Variants in CBFB observed in about 807,000 individuals in gnomAD.
CBFB encodes core-binding factor subunit beta.
CBFB carries 9 observed loss-of-function variants against 30.4 expected under a neutral mutation model. The ratio of observed to expected loss-of-function variants is 0.30; its 90% CI spans 0.18 to 0.52. The LOEUF (loss-of-function observed/expected upper bound fraction) is 0.52, where lower values mean the gene tolerates loss of function less well. Among genes scored for constraint, CBFB ranks in the 20% least tolerant of loss-of-function variants. The probability of loss-of-function intolerance (pLI) is 0.97; values close to 1 mark genes in which losing one functional copy is unlikely to be tolerated. For synonymous variants in CBFB, 94 were observed against 84.0 expected (o/e 1.12, Z -0.65); for missense variants, 170 against 244.0 (o/e 0.70, Z 2.02).
intron 3 of CBFB, among the ~76,000 whole-genome samples, chr16:67,057,144 G>A (rs939615483): frequency 1.5e-4 from 22 of 146,562 alleles, no homozygotes; most frequent in Admixed American, 1.0e-3. Context: ...CACCATGCCC[G>A]GCTAATTTTT....
At chr16:67,061,863 C>T (rs2145744664) in intron 3 of CBFB, among the ~76,000 whole-genome samples, 1 of 152,102 alleles carries the variant, frequency 6.6e-6, no homozygotes, top group African/African-American at 2.4e-5. Flanking sequence ...GAAACCCCGT[C>T]TCTACTGAAA....
chr16:67,036,850 T>C, intron 3 of CBFB, 95 bp downstream of exon 3: 1 of 754,524 alleles, frequency 1.3e-6, no homozygotes, highest in East Asian at 2.5e-5. Context: ...CAGATCTGAT[T>C]ATACCAGCAT....
intron 4 of CBFB, among the ~76,000 whole-genome samples, chr16:67,076,292 G>T (rs1404659840): frequency 6.6e-6 from 1 of 152,094 alleles, no homozygotes; most frequent in Non-Finnish European, 1.5e-5. Flanking sequence ...TACTTGGGAG[G>T]TTGAGGTAGG....
chr16:67,073,432 T>C (rs1380241682), intron 4 of CBFB, among the ~76,000 whole-genome samples: 1 of 152,176 alleles, frequency 6.6e-6, no homozygotes, highest in African/African-American at 2.4e-5. Flanking sequence ...CCATCCAAGA[T>C]TCTTTTCCCA....
chr16:67,053,575 G>A (rs1960625712), intron 3 of CBFB, among the ~76,000 whole-genome samples: 1 of 151,956 alleles, frequency 6.6e-6, no homozygotes, highest in Non-Finnish European at 1.5e-5. Flanking sequence ...ACTTTCAGAT[G>A]CAGCTCCTAG....
intron 4 of CBFB, among the ~76,000 whole-genome samples, chr16:67,072,197 A>G (rs1473819783): frequency 2.0e-5 from 3 of 152,184 alleles, no homozygotes; most frequent in Admixed American, 2.0e-4. Context: ...ATTTTGACCC[A>G]CAAATTGATT....
chr16:67,098,669 A>G, intron 5 of CBFB, 41 bp from the exon 6 acceptor site: 1 of 1,252,640 alleles, frequency 8.0e-7, no homozygotes, highest in Non-Finnish European at 1.2e-6. Context: ...TTTGATTGTC[A>G]AAACACTTTT....
chr16:67,059,137 GA>G (rs1960814914), intron 3 of CBFB, among the ~76,000 whole-genome samples: 1 of 152,132 alleles, frequency 6.6e-6, no homozygotes, highest in South Asian at 2.1e-4. Flanking sequence ...TATTGTAAAG[GA>G]AAAGACAGGT....
chr16:67,035,224 C>T (rs547295127), intron 2 of CBFB, among the ~76,000 whole-genome samples: 1 of 152,228 alleles, frequency 6.6e-6, no homozygotes, highest in South Asian at 2.1e-4. Context: ...GCTGGGATTA[C>T]AGGCGTCTGC....
At chr16:67,079,128 T>C (rs1961486175) in intron 4 of CBFB, among the ~76,000 whole-genome samples, 1 of 152,262 alleles carries the variant, frequency 6.6e-6, no homozygotes, top group Non-Finnish European at 1.5e-5. Context: ...TTGAATTTTA[T>C]GTATCCATAA....
At chr16:67,064,399 G>A (rs974658233) in intron 3 of CBFB, among the ~76,000 whole-genome samples, 1 of 152,096 alleles carries the variant, frequency 6.6e-6, no homozygotes, top group African/African-American at 2.4e-5. Context: ...TAGAGACGGG[G>A]TTTCACTTTG....
intron 5 of CBFB, among the ~76,000 whole-genome samples, chr16:67,088,065 A>T (rs1321109351): frequency 2.6e-5 from 4 of 152,184 alleles, no homozygotes; most frequent in African/African-American, 9.7e-5. Flanking sequence ...TTCATCAATG[A>T]TTTAAGATCC....
chr16:67,093,745 T>G (rs890149947), intron 5 of CBFB: 13 of 152,186 alleles, frequency 8.5e-5, no homozygotes, highest in African/African-American at 3.1e-4. Flanking sequence ...GAAATAACTG[T>G]TACTAAAAGG....
At chr16:67,039,358 TTGAA>T in intron 3 of CBFB, among the ~76,000 whole-genome samples, 1 of 152,312 alleles carries the variant, frequency 6.6e-6, no homozygotes, top group East Asian at 1.9e-4. Flanking sequence ...GGCACTTACT[TTGAA>T]TGGAGCTTGC....
At chr16:67,088,832 A>T (rs1053253061) in intron 5 of CBFB, among the ~76,000 whole-genome samples, 3 of 152,164 alleles carry the variant, frequency 2.0e-5, no homozygotes, top group African/African-American at 7.2e-5. Flanking sequence ...TGCCATGCTA[A>T]ACTTGTAACA....
At chr16:67,074,715 A>G (rs1159527984) in intron 4 of CBFB, among the ~76,000 whole-genome samples, 1 of 152,174 alleles carries the variant, frequency 6.6e-6, no homozygotes, top group African/African-American at 2.4e-5. Flanking sequence ...AAATGAGAAG[A>G]TCATTTTGTG....
chr16:67,073,622 G>A (rs926556165), intron 4 of CBFB, among the ~76,000 whole-genome samples: 1 of 151,918 alleles, frequency 6.6e-6, no homozygotes, highest in Non-Finnish European at 1.5e-5. Flanking sequence ...CGTGCCTGTG[G>A]TTCTAGCTAC....
intron 4 of CBFB, among the ~76,000 whole-genome samples, chr16:67,079,275 A>G (rs78817904): frequency 0.036 from 5,529 of 152,262 alleles, 147 homozygotes; most frequent in South Asian, 0.077. Context: ...TGAGGCTTAG[A>G]GAAATGAAAT....
At chr16:67,048,449 T>C (rs1052486627) in intron 3 of CBFB, among the ~76,000 whole-genome samples, 5 of 152,222 alleles carry the variant, frequency 3.3e-5, no homozygotes, top group African/African-American at 9.7e-5. Context: ...TACTCACTTT[T>C]TTAAAAGCTA....
Sources: allele counts gnomAD v4.1 joint callset (sites outside exome capture counted in the v4.1 genomes callset), GRCh38; gene constraint gnomAD v4.1.1; transcripts MANE v1.5; gene names NCBI Gene and HGNC (gene_info 2026-07-23, HGNC 2026-07-21).